CAMK1D: variants seen among roughly 807,000 people sequenced by gnomAD.
CAMK1D encodes the protein calcium/calmodulin dependent protein kinase ID, also known as calcium/calmodulin-dependent protein kinase type 1D.
A neutral mutation model predicts 47.7 loss-of-function variants in CAMK1D; 9 were observed. The ratio of observed to expected loss-of-function variants is 0.19; its 90% CI spans 0.11 to 0.33. CAMK1D has a LOEUF of 0.33. Among genes scored for constraint, CAMK1D ranks in the 10% least tolerant of loss-of-function variants. The probability of loss-of-function intolerance (pLI) is 1.00; values close to 1 mark genes in which losing one functional copy is unlikely to be tolerated. For synonymous variants in CAMK1D, 184 were observed against 184.9 expected, an observed-to-expected ratio of 0.99 and a Z score of 0.04; for missense variants, 291 against 488.7, an observed-to-expected ratio of 0.60 and a Z score of 3.81.
At chr10:12,827,476 T>G (rs372151661) in intron 10 of CAMK1D, among the ~76,000 whole-genome samples, 1 of 5,068 alleles carries the variant, frequency 2.0e-4, no homozygotes, top group Admixed American at 2.5e-3. Flanking sequence ...CTGTCTGTCT[T>G]TCTTTCTTTC....
chr10:12,357,650 T>C (rs1832132625), intron 1 of CAMK1D, among the ~76,000 whole-genome samples: 1 of 152,152 alleles, frequency 6.6e-6, no homozygotes, highest in Non-Finnish European at 1.5e-5. Context: ...GAACTGCTTA[T>C]AGGCAGCCAC....
intron 1 of CAMK1D, among the ~76,000 whole-genome samples, chr10:12,364,730 G>A (rs1564294727): frequency 6.6e-6 from 1 of 152,202 alleles, no homozygotes; most frequent in African/African-American, 2.4e-5. Context: ...TGGGACGGCA[G>A]TTCTGATTTG....
intron 3 of CAMK1D, among the ~76,000 whole-genome samples, chr10:12,679,176 G>C (rs367557641): frequency 1.4e-4 from 22 of 152,268 alleles, no homozygotes; most frequent in Admixed American, 7.2e-4. Flanking sequence ...AGTTCTTTAA[G>C]TATGTACAGT....
intron 1 of CAMK1D, among the ~76,000 whole-genome samples, chr10:12,435,163 C>T (rs1832591239): frequency 7.6e-6 from 1 of 132,060 alleles, no homozygotes; most frequent in African/African-American, 2.9e-5. Context: ...GCAGAGGTTA[C>T]AGTGAGCTGA....
chr10:12,403,352 A>T (rs531897280), intron 1 of CAMK1D, among the ~76,000 whole-genome samples: 1 of 152,170 alleles, frequency 6.6e-6, no homozygotes, highest in Non-Finnish European at 1.5e-5. Flanking sequence ...TCACCCCTTC[A>T]TGGGTGTGGG....
At chr10:12,381,879 C>T (rs891379446) in intron 1 of CAMK1D, among the ~76,000 whole-genome samples, 5 of 151,800 alleles carry the variant, frequency 3.3e-5, no homozygotes, top group Non-Finnish European at 5.9e-5. Flanking sequence ...AGAGACCTGG[C>T]GTTTTAGGTG....
intron 1 of CAMK1D, among the ~76,000 whole-genome samples, chr10:12,396,542 G>A (rs1226306875): frequency 6.6e-6 from 1 of 152,138 alleles, no homozygotes; most frequent in Non-Finnish European, 1.5e-5. Context: ...CTTCTTCCAG[G>A]CCCTCTGTGA....
At chr10:12,457,941 T>C (rs1411982351) in intron 1 of CAMK1D, among the ~76,000 whole-genome samples, 1 of 152,208 alleles carries the variant, frequency 6.6e-6, no homozygotes, top group Non-Finnish European at 1.5e-5. Flanking sequence ...GGTGTCGGAA[T>C]GCCTCCTTTG....
chr10:12,441,678 A>T (rs1307971483), intron 1 of CAMK1D, among the ~76,000 whole-genome samples: 1 of 152,014 alleles, frequency 6.6e-6, no homozygotes, highest in Admixed American at 6.6e-5. Flanking sequence ...GGGTGTGGTG[A>T]CACATGCCTG....
intron 6 of CAMK1D, among the ~76,000 whole-genome samples, chr10:12,793,626 G>A (rs1272978320): frequency 6.6e-6 from 1 of 152,226 alleles, no homozygotes; most frequent in Admixed American, 6.5e-5. Context: ...CTTGCAGACA[G>A]CCACCTTCTT....
chr10:12,803,266 ATGTTCCAC>A (rs1335856537), intron 6 of CAMK1D, among the ~76,000 whole-genome samples: 1 of 152,252 alleles, frequency 6.6e-6, no homozygotes, highest in Non-Finnish European at 1.5e-5. Flanking sequence ...AGAAAAGTAA[ATGTTCCAC>A]TGTCCCATTT....
intron 2 of CAMK1D, among the ~76,000 whole-genome samples, chr10:12,630,390 A>ATTT (rs1839345457): frequency 1.0e-5 from 1 of 97,352 alleles, no homozygotes. Context: ...TTTTTTTTTA[A>ATTT]AAAAAAGACA....
intron 1 of CAMK1D, among the ~76,000 whole-genome samples, chr10:12,541,842 T>TCTTCCTTC (rs150179810): frequency 0.18 from 20,769 of 116,440 alleles, 2,523 homozygotes; most frequent in Middle Eastern, 0.28. Flanking sequence ...CTGTGTTTTA[T>TCTTCCTTC]CTTCCTTCCT....
At chr10:12,698,374 A>G (rs903450641) in intron 3 of CAMK1D, among the ~76,000 whole-genome samples, 2 of 152,220 alleles carry the variant, frequency 1.3e-5, no homozygotes, top group Admixed American at 6.5e-5. Context: ...ACACATTTTT[A>G]TAACCTCGTT....
At chr10:12,642,516 C>T (rs541155284) in intron 2 of CAMK1D, among the ~76,000 whole-genome samples, 1 of 152,066 alleles carries the variant, frequency 6.6e-6, no homozygotes, top group Non-Finnish European at 1.5e-5. Flanking sequence ...GGGATTTTTC[C>T]CAGGACTGGG....
intron 1 of CAMK1D, among the ~76,000 whole-genome samples, chr10:12,380,787 C>G (rs544897523): frequency 2.0e-5 from 3 of 152,144 alleles, no homozygotes; most frequent in African/African-American, 7.2e-5. Context: ...ACCCATGAGG[C>G]GGAGATTGCA....
chr10:12,465,844 G>A (rs1246068830), intron 1 of CAMK1D, among the ~76,000 whole-genome samples: 1 of 152,162 alleles, frequency 6.6e-6, no homozygotes, highest in Non-Finnish European at 1.5e-5. Context: ...GAGCTGGACT[G>A]CTACTTCACC....
intron 5 of CAMK1D, among the ~76,000 whole-genome samples, chr10:12,785,514 G>T (rs1001601542): frequency 6.6e-6 from 1 of 152,132 alleles, no homozygotes; most frequent in Non-Finnish European, 1.5e-5. Flanking sequence ...GGAAGCTCTC[G>T]GGTATCTCCA....
chr10:12,814,987 G>C (rs1374296352), intron 7 of CAMK1D, among the ~76,000 whole-genome samples: 1 of 152,230 alleles, frequency 6.6e-6, no homozygotes, highest in East Asian at 1.9e-4. Context: ...AGTGCTGACT[G>C]TATGCTGAGC....
Sources: allele counts gnomAD v4.1 joint callset (sites outside exome capture counted in the v4.1 genomes callset), GRCh38; gene constraint gnomAD v4.1.1; transcripts MANE v1.5; gene names NCBI Gene and HGNC (gene_info 2026-07-23, HGNC 2026-07-21).